PARD3B: variants seen among roughly 807,000 people sequenced by gnomAD.
PARD3B encodes the protein partitioning defective 3 homolog B.
A neutral mutation model predicts 130.2 loss-of-function variants in PARD3B; 103 were observed. The observed-to-expected ratio is 0.79, with a 90% CI of 0.67 to 0.93. The LOEUF (loss-of-function observed/expected upper bound fraction) is 0.93, where lower values mean the gene tolerates loss of function less well. Ranked by LOEUF, PARD3B falls within the 40% of genes least tolerant of loss-of-function variation. The pLI is 0.00. For synonymous variants in PARD3B, 583 were observed against 553.2 expected (o/e 1.05, Z -0.76); for missense variants, 1,609 against 1,499.2 (o/e 1.07, Z -1.21).
intron 19 of PARD3B, among the ~76,000 whole-genome samples, chr2:205,439,009 C>T (rs1165956471): frequency 1.3e-5 from 2 of 151,922 alleles, no homozygotes; most frequent in Non-Finnish European, 2.9e-5. Context: ...CTTTTCTGCT[C>T]CTTACTCAGA....
intron 16 of PARD3B, among the ~76,000 whole-genome samples, chr2:205,299,305 C>T (rs1574632987): frequency 6.6e-6 from 1 of 152,028 alleles, no homozygotes; most frequent in African/African-American, 2.4e-5. Flanking sequence ...AAGATAGTGC[C>T]GTTTATTGAG....
intron 2 of PARD3B, among the ~76,000 whole-genome samples, chr2:204,717,591 T>C (rs1468498732): frequency 6.6e-6 from 1 of 152,082 alleles, no homozygotes; most frequent in Non-Finnish European, 1.5e-5. Flanking sequence ...GAATGAGCAG[T>C]TGGACAGAAA....
At chr2:204,608,738 C>T (rs2033820522) in intron 1 of PARD3B, among the ~76,000 whole-genome samples, 1 of 152,170 alleles carries the variant, frequency 6.6e-6, no homozygotes, top group African/African-American at 2.4e-5. Context: ...TCCCCCTCCT[C>T]CCTGCTCCTG....
At chr2:204,806,030 A>G (rs1320839952) in intron 2 of PARD3B, among the ~76,000 whole-genome samples, 1 of 152,182 alleles carries the variant, frequency 6.6e-6, no homozygotes, top group Admixed American at 6.6e-5. Flanking sequence ...ATGGATTGGA[A>G]GAATCAATAT....
At position 205,300,364 on chromosome 2, in the gene PARD3B, A is replaced by G. The variant is rs2105901451; in HGVS notation, c.2186-166A>G. Among the ~76,000 whole-genome samples, 1 of 152,300 alleles carries G rather than the reference A, an allele frequency of 6.6e-6. No homozygotes were observed. Among genetic ancestry groups the G allele is most frequent in the South Asian group, 2.1e-4 (1 of 4,834 alleles). ...AACAGAGGCTCAGAGAAGTCAAACC[A>G]CTTGTTCAAGGTTACAAAAGGTGGC... is the stretch of plus-strand genomic sequence containing the variant. On this transcript the variant is annotated intron_variant, in intron 16 of 22. Coordinates refer to ENST00000406610, the MANE Select transcript of PARD3B (RefSeq NM_001302769.2). This position sits in a 1 kb window ranked among gnomAD's most constrained non-coding sequence, Gnocchi z 4.1.
At chr2:204,804,056 A>C (rs2042675342) in intron 2 of PARD3B, among the ~76,000 whole-genome samples, 1 of 152,056 alleles carries the variant, frequency 6.6e-6, no homozygotes, top group Non-Finnish European at 1.5e-5. Context: ...TACCAGAAAA[A>C]ACAACAACAA....
chr2:204,936,950 T>C (rs1038724714), intron 2 of PARD3B, among the ~76,000 whole-genome samples: 2 of 152,268 alleles, frequency 1.3e-5, no homozygotes, highest in Non-Finnish European at 2.9e-5. Context: ...ATACTTGTAA[T>C]AGGCATTGTG....
At chr2:204,863,689 C>T (rs1380362062) in intron 2 of PARD3B, among the ~76,000 whole-genome samples, 1 of 152,110 alleles carries the variant, frequency 6.6e-6, no homozygotes, top group East Asian at 1.9e-4. Flanking sequence ...TGCGAATGGC[C>T]TTTAGGCCAT....
chr2:205,123,671 A>T (rs1559462265), intron 8 of PARD3B, among the ~76,000 whole-genome samples: 1 of 121,608 alleles, frequency 8.2e-6, no homozygotes, highest in African/African-American at 3.3e-5. Context: ...AAAAAAAAAA[A>T]AATAAGTGGT....
At chr2:204,823,975 T>C (rs2043470424) in intron 2 of PARD3B, among the ~76,000 whole-genome samples, 1 of 149,800 alleles carries the variant, frequency 6.7e-6, no homozygotes, top group African/African-American at 2.5e-5. Context: ...TAGCAAGAGT[T>C]AAAAGGGAGA....
intron 15 of PARD3B, among the ~76,000 whole-genome samples, chr2:205,211,581 A>G (rs1045950781): frequency 2.6e-5 from 4 of 152,144 alleles, no homozygotes; most frequent in African/African-American, 4.8e-5. Flanking sequence ...AGTAGGACAA[A>G]CATAACACTA....
intron 1 of PARD3B, among the ~76,000 whole-genome samples, chr2:204,553,940 G>A (rs1377412875): frequency 6.6e-6 from 1 of 151,634 alleles, no homozygotes; most frequent in African/African-American, 2.4e-5. Context: ...TGGGTGCCGT[G>A]CATACTGCTC....
chr2:204,796,233 C>A (rs2042371538), intron 2 of PARD3B, among the ~76,000 whole-genome samples: 1 of 152,120 alleles, frequency 6.6e-6, no homozygotes, highest in Non-Finnish European at 1.5e-5. Context: ...GCAATATGAT[C>A]AAATGGTTAT....
intron 18 of PARD3B, among the ~76,000 whole-genome samples, chr2:205,398,997 G>A (rs374424390): frequency 8.5e-5 from 13 of 152,098 alleles, no homozygotes; most frequent in African/African-American, 1.4e-4. Flanking sequence ...CGCTGGGCAC[G>A]GTGGCTCACG....
chr2:204,852,551 G>T (rs750686482), intron 2 of PARD3B, among the ~76,000 whole-genome samples: 1 of 150,144 alleles, frequency 6.7e-6, no homozygotes, highest in Non-Finnish European at 1.5e-5. Flanking sequence ...TTAAATACTG[G>T]AAAAAAAATC....
chr2:205,307,817 C>T (rs576861267), intron 18 of PARD3B, among the ~76,000 whole-genome samples: 66 of 152,226 alleles, frequency 4.3e-4, no homozygotes, highest in African/African-American at 1.5e-3. Flanking sequence ...ATAATAGCTG[C>T]TGTTGTCTCT....
intron 2 of PARD3B, among the ~76,000 whole-genome samples, chr2:204,829,998 C>CA (rs745415671): frequency 0.12 from 5,924 of 47,508 alleles, 565 homozygotes; most frequent in Non-Finnish European, 0.14. Flanking sequence ...GACTCCGTCT[C>CA]AAAAAAAAAA....
chr2:205,216,868 G>A (rs2037940896), intron 15 of PARD3B, among the ~76,000 whole-genome samples: 1 of 152,114 alleles, frequency 6.6e-6, no homozygotes, highest in African/African-American at 2.4e-5. Context: ...GCCTGAATAA[G>A]GCCAATCCAG....
chr2:204,960,457 C>T (rs1040404556), intron 2 of PARD3B, among the ~76,000 whole-genome samples: 3 of 152,056 alleles, frequency 2.0e-5, no homozygotes, highest in African/African-American at 7.2e-5. Flanking sequence ...AGGAATTTAT[C>T]GGCCATAATT....
Sources: allele counts gnomAD v4.1 joint callset (sites outside exome capture counted in the v4.1 genomes callset), GRCh38; gene constraint gnomAD v4.1.1; non-coding constraint Gnocchi (gnomAD v3.1); transcripts MANE v1.5; gene names NCBI Gene and HGNC (gene_info 2026-07-23, HGNC 2026-07-21).